Variants in AKAP11 observed in about 807,000 individuals in gnomAD.
AKAP11 encodes A-kinase anchor protein 11.
In AKAP11, 36 loss-of-function variants were observed where a neutral mutation model predicts 146.1. The observed-to-expected ratio is 0.25, with a 90% confidence interval of 0.19 to 0.33. The LOEUF (loss-of-function observed/expected upper bound fraction) is 0.33, where lower values mean the gene tolerates loss of function less well. AKAP11 is among the 10% of genes least tolerant of loss of function. The probability of loss-of-function intolerance (pLI) is 1.00; values close to 1 mark genes in which losing one functional copy is unlikely to be tolerated. For missense variants in AKAP11, 2,201 were observed against 2,197.0 expected (o/e 1.00, Z -0.04); for synonymous variants, 780 against 786.5 (o/e 0.99, Z 0.14).
At chr13:42,318,780 T>C (rs1473358990) in intron 12 of AKAP11, among the ~76,000 whole-genome samples, 1 of 152,162 alleles carries the variant, frequency 6.6e-6, no homozygotes. Context: ...GTGAAGAATT[T>C]CCTGTAGAAA....
intron 1 of AKAP11, among the ~76,000 whole-genome samples, chr13:42,283,791 GC>G (rs1192183248): frequency 3.9e-5 from 6 of 152,262 alleles, no homozygotes; most frequent in Non-Finnish European, 4.4e-5. Flanking sequence ...TCCCTTTTAG[GC>G]AAGGTTAGGA....
At position 42,301,331 on chromosome 13, in the gene AKAP11, C is replaced by T. The variant is rs763294863; in HGVS notation, c.2585C>T (p.Ser862Phe). The change falls in exon 8 of 13, where the codon TCC becomes TTC. Residue 862 changes from serine (S) to phenylalanine (F), a missense_variant. Physicochemically the swap from Ser to Phe is radical, Grantham distance 155. Transcript: ENST00000025301. ...AATGACGATATTGAAATGCAGAGTT[C>T]CTCAAAATTACCAAATGATCCTGCA... Reference protein sequence around the residue: ...PTNDDIEMQSSSKLPNDPAII... With the variant: ...PTNDDIEMQSFSKLPNDPAII... 1.2e-6 allele frequency: 2 copies of T among 1,613,864 alleles called. No individual in the cohort carries two copies. The highest frequency in any genetic ancestry group is 1.7e-6 in the Non-Finnish European group (2 of 1,179,940).
At chr13:42,308,303 CA>C in intron 8 of AKAP11, 150 bp from the exon 9 acceptor site, 1 of 602,012 alleles carries the variant, frequency 1.7e-6, no homozygotes, top group Non-Finnish European at 2.8e-6. Context: ...TGTTTGTTGG[CA>C]GACTCAAATA....
intron 7 of AKAP11, 68 bp from the exon 8 acceptor site, chr13:42,299,295 T>C (rs906346102): frequency 1.5e-6 from 2 of 1,345,996 alleles, no homozygotes; most frequent in Non-Finnish European, 2.0e-6. Flanking sequence ...GTTTATTCCA[T>C]GGATTTAAGT....
chr13:42,302,570 C>T lies in AKAP11; in HGVS notation c.3824C>T (p.Ala1275Val), dbSNP rs1330260019. The T allele has an allele frequency of 1.2e-6, 2 of 1,614,012 alleles. No individual in the cohort carries two copies. The highest frequency in any genetic ancestry group is 1.3e-5 in the African/African-American group (1 of 75,008). The stretch of plus-strand genomic sequence containing the variant: ...GTCATTACAGAAGCTGAGAAAATAG[C>T]AAAAGTCCGAAATTGTATGCTTTTC... ...AEVITEAEKI[A>V]KVRNCMLFKQ... Residue 1275 changes from alanine (A) to valine (V), a missense_variant, in exon 8 of 13, where the codon GCA becomes GTA. Physicochemically the swap from Ala to Val is moderately conservative, Grantham distance 64. Coordinates refer to ENST00000025301, the MANE Select transcript of AKAP11 (RefSeq NM_016248.4).
At chr13:42,286,218 TTAAAA>T (rs1389005244) in intron 2 of AKAP11, 77 bp from the exon 3 acceptor site, 4 of 514,850 alleles carry the variant, frequency 7.8e-6, no homozygotes, top group African/African-American at 2.0e-5. Context: ...AATGACTGAG[TTAAAA>T]TAAATTAATT....
chr13:42,282,387 T>C (rs1959082137), intron 1 of AKAP11, among the ~76,000 whole-genome samples: 2 of 151,946 alleles, frequency 1.3e-5, no homozygotes, highest in South Asian at 4.2e-4. Context: ...GTAATAATCA[T>C]GTGAATTTAT....
chr13:42,305,754 C>T (rs1960222516), intron 8 of AKAP11, among the ~76,000 whole-genome samples: 1 of 152,114 alleles, frequency 6.6e-6, no homozygotes, highest in Non-Finnish European at 1.5e-5. Flanking sequence ...AGTTCATTTT[C>T]ACACTGCTAT....
Position 42,292,434 on chromosome 13 carries a change from A to C in AKAP11, c.101A>C (p.Gln34Pro). The change falls in exon 4 of 13, where the codon CAG becomes CCG. Residue 34 changes from glutamine (Q) to proline (P), a missense_variant. Physicochemically the swap from Gln to Pro is moderately conservative, Grantham distance 76. This residue lies in a region of AKAP11 where 331 missense variants were observed against 347.4 expected (regional missense o/e 0.95). Transcript: ENST00000025301. The part of the protein sequence containing the change: ...FQSVKSLLQS[Q>P]KELCSVTAED... Reference sequence around the variant, plus strand: ...TCTGTAAAGTCTTTATTGCAGAGTCAGAAGGAACTATGCAGTGTAACAGCA... The same window carrying C: ...TCTGTAAAGTCTTTATTGCAGAGTCCGAAGGAACTATGCAGTGTAACAGCA... The C allele has an allele frequency of 6.3e-7, 1 of 1,596,500 alleles. No homozygotes were observed. Among genetic ancestry groups the C allele is most frequent in the East Asian group, 2.2e-5 (1 of 44,496 alleles).
chr13:42,296,978 G>T, intron 5 of AKAP11, 70 bp from the exon 6 acceptor site: 1 of 1,411,568 alleles, frequency 7.1e-7, no homozygotes, highest in Non-Finnish European at 9.5e-7. Context: ...TTTGGATAGG[G>T]TCCACATTAT....
chr13:42,288,819 C>T (rs774653035), intron 3 of AKAP11, among the ~76,000 whole-genome samples: 2 of 152,124 alleles, frequency 1.3e-5, no homozygotes, highest in Non-Finnish European at 2.9e-5. Context: ...TGGTTGTTTT[C>T]TCATATTGCT....
rs79000756 is a variant in AKAP11 at position 42,318,079 on chromosome 13, G to A, written c.5565+391G>A. On this transcript the variant is annotated intron_variant, in intron 12 of 12. Coordinates refer to ENST00000025301, the MANE Select transcript of AKAP11 (RefSeq NM_016248.4). Reference sequence around the variant, plus strand: ...CTCTGTATTTAATTGATTTGTAATTGTACCTAATGATTAATATATCTGTTT... The same window carrying A: ...CTCTGTATTTAATTGATTTGTAATTATACCTAATGATTAATATATCTGTTT... Among the ~76,000 whole-genome samples the A allele has an allele frequency of 1.5e-3, 223 of 152,288 alleles. 1 individual carries two copies. Among genetic ancestry groups the A allele is most frequent in the Middle Eastern group, 6.8e-3 (2 of 294 alleles).
Position 42,298,726 on chromosome 13 carries a change from C to T in AKAP11, c.545C>T (p.Ser182Phe). Reference protein sequence around the residue: ...DDDDTNQSVSSIEDDFVTAFE... With the variant: ...DDDDTNQSVSFIEDDFVTAFE... The stretch of plus-strand genomic sequence containing the variant: ...GATGATACTAACCAGTCTGTGTCAT[C>T]CATAGAGGATGACTTTGTCACTGCT... The change falls in exon 7 of 13, where the codon TCC becomes TTC. Residue 182 changes from serine to phenylalanine, a missense_variant. Ser to Phe is a radical substitution (Grantham distance 155, BLOSUM62 -2). Transcript: ENST00000025301. The T allele has an allele frequency of 1.9e-6, 3 of 1,605,046 alleles. No individual in the cohort carries two copies. The highest frequency in any genetic ancestry group is 2.5e-6 in the Non-Finnish European group (3 of 1,177,320).
upstream of AKAP11, chr13:42,272,151 C>G (rs1958782487): frequency 6.6e-6 from 1 of 152,652 alleles, no homozygotes; most frequent in African/African-American, 2.4e-5. Flanking sequence ...GGGAGGGGGC[C>G]AGCTTGCTTG....
At chr13:42,281,369 T>A (rs1300585857) in intron 1 of AKAP11, among the ~76,000 whole-genome samples, 1 of 152,154 alleles carries the variant, frequency 6.6e-6, no homozygotes, top group Non-Finnish European at 1.5e-5. Context: ...GTTGTGTGTG[T>A]TAGAAATAAG....
chr13:42,314,016 A>G (rs1410279767), intron 11 of AKAP11, 76 bp downstream of exon 11: 2 of 1,415,556 alleles, frequency 1.4e-6, no homozygotes, highest in East Asian at 2.3e-5. Flanking sequence ...ATGCATTTTC[A>G]TCAGATAGGC....
chr13:42,298,366 G>T (rs1434270807), intron 6 of AKAP11, among the ~76,000 whole-genome samples, 167 bp from the exon 7 acceptor site: 1 of 152,102 alleles, frequency 6.6e-6, no homozygotes, highest in African/African-American at 2.4e-5. Flanking sequence ...AGTGAAAAAT[G>T]TAGAGAAAGA....
intron 12 of AKAP11, among the ~76,000 whole-genome samples, 163 bp downstream of exon 12, chr13:42,317,851 C>T (rs1217587544): frequency 1.3e-5 from 2 of 152,146 alleles, no homozygotes; most frequent in Non-Finnish European, 2.9e-5. Context: ...AGCAGTATAA[C>T]CAGAGGCAGG....
At chr13:42,305,552 A>T (rs1455732586) in intron 8 of AKAP11, among the ~76,000 whole-genome samples, 2 of 152,160 alleles carry the variant, frequency 1.3e-5, no homozygotes, top group Non-Finnish European at 2.9e-5. Flanking sequence ...AAATCAAATG[A>T]TATTTTGTGA....
Sources: gnomAD v4.1 joint callset for allele counts (sites outside exome capture counted in the v4.1 genomes callset) on GRCh38, gnomAD v4.1.1 for gene constraint, gnomAD v4.1.1 regional missense constraint, MANE v1.5 for transcripts, NCBI Gene and HGNC (gene_info 2026-07-23, HGNC 2026-07-21) for gene names.